SND1: variants seen among roughly 807,000 people sequenced by gnomAD.
SND1 encodes staphylococcal nuclease domain-containing protein 1.
SND1 carries 38 observed loss-of-function variants against 121.7 expected under a neutral mutation model. The ratio of observed to expected loss-of-function variants is 0.31; its 90% CI spans 0.24 to 0.41. SND1 has a LOEUF of 0.41. Among genes scored for constraint, SND1 ranks in the 10% least tolerant of loss-of-function variants. The pLI is 1.00. For synonymous variants in SND1, 401 were observed against 447.4 expected (o/e 0.90, Z 1.31); for missense variants, 868 against 1,184.6 (o/e 0.73, Z 3.92).
chr7:127,834,626 C>T lies in SND1; in HGVS notation c.1243-9698C>T, dbSNP rs73721013. ...ATAGAGGGATGGTGTGGTATGTTTA[C>T]AGGAAGAAAGGCTGATATTGATACC... On this transcript the variant is annotated intron_variant, in intron 11 of 23. Coordinates refer to ENST00000354725, the MANE Select transcript of SND1 (RefSeq NM_014390.4). Among the ~76,000 whole-genome samples, 555 of 152,258 alleles carry T rather than the reference C, an allele frequency of 3.6e-3. 1 individual carries two copies. The highest frequency in any genetic ancestry group is 0.012 in the African/African-American group (519 of 41,556).
chr7:128,060,567 A>G (rs1382904889), intron 16 of SND1, among the ~76,000 whole-genome samples: 5 of 151,558 alleles, frequency 3.3e-5, no homozygotes, highest in Non-Finnish European at 7.4e-5. Flanking sequence ...TTAACTTCCC[A>G]CTCTGCATTT....
At chr7:127,992,796 C>G (rs1802550846) in intron 16 of SND1, among the ~76,000 whole-genome samples, 1 of 152,204 alleles carries the variant, frequency 6.6e-6, no homozygotes, top group Admixed American at 6.5e-5. Flanking sequence ...GAATACTGAT[C>G]ACTAAAAGGA....
intron 16 of SND1, among the ~76,000 whole-genome samples, chr7:128,072,413 A>G (rs56232062): frequency 1.3e-5 from 2 of 152,070 alleles, no homozygotes; most frequent in Non-Finnish European, 2.9e-5. Flanking sequence ...GCGGAAACTG[A>G]TGTGGGCCTG....
At chr7:128,020,307 C>A (rs1459529916) in intron 16 of SND1, among the ~76,000 whole-genome samples, 1 of 152,184 alleles carries the variant, frequency 6.6e-6, no homozygotes, top group Non-Finnish European at 1.5e-5. Flanking sequence ...TAAAGGATTG[C>A]ATCAAACTGC....
At position 128,091,999 on chromosome 7, in the gene SND1, C is replaced by T. The variant is rs936903851; in HGVS notation, c.2674C>T (p.Leu892=). The T allele has an allele frequency of 1.9e-6, 3 of 1,614,058 alleles. No homozygotes were observed. Among genetic ancestry groups the T allele is most frequent in the South Asian group, 1.1e-5 (1 of 91,092 alleles). Residue 892 remains leucine (L), a synonymous_variant, in exon 24 of 24, where the codon CTG becomes TTG. Coordinates refer to ENST00000354725, the MANE Select transcript of SND1 (RefSeq NM_014390.4). ...QESAKSARLN[L]WRYGDFRADD... Reference sequence around the variant, plus strand: ...TGTCTGTTTTTTCTTACAGCTGAACCTGTGGCGCTATGGAGACTTTCGAGC... The same window carrying T: ...TGTCTGTTTTTTCTTACAGCTGAACTTGTGGCGCTATGGAGACTTTCGAGC...
At chr7:127,781,254 GA>G (rs1313313857) in intron 10 of SND1, among the ~76,000 whole-genome samples, 1 of 152,146 alleles carries the variant, frequency 6.6e-6, no homozygotes, top group East Asian at 1.9e-4. Flanking sequence ...TTATAAAAAT[GA>G]AGAGACCAAT....
intron 10 of SND1, among the ~76,000 whole-genome samples, chr7:127,790,412 C>T (rs1797886792): frequency 2.0e-5 from 3 of 152,092 alleles, no homozygotes. Context: ...AGTCTTAAGC[C>T]GTTAAAGAGG....
At chr7:127,852,622 C>T (rs986372458) in intron 12 of SND1, among the ~76,000 whole-genome samples, 5 of 152,054 alleles carry the variant, frequency 3.3e-5, no homozygotes, top group Non-Finnish European at 7.4e-5. Flanking sequence ...CCAGCCTGCC[C>T]AACATGGTGA....
intron 16 of SND1, chr7:128,028,848 A>C (rs756127788): frequency 1.7e-5 from 27 of 1,614,224 alleles, no homozygotes; most frequent in Non-Finnish European, 2.3e-5. Flanking sequence ...AATTGTGGGC[A>C]GCACTACTGC....
chr7:127,732,744 C>T (rs1040650570), intron 10 of SND1, among the ~76,000 whole-genome samples: 1 of 152,194 alleles, frequency 6.6e-6, no homozygotes. Flanking sequence ...TCTTCTGCTC[C>T]TAGAAGAAGT....
At chr7:127,690,176 GTTCCTCATATTCCAAGACACTTTAGTGA>G (rs901945365) in intron 2 of SND1, among the ~76,000 whole-genome samples, 2 of 151,870 alleles carry the variant, frequency 1.3e-5, no homozygotes, top group African/African-American at 2.4e-5. Flanking sequence ...CTCTTCAGTG[GTTCCTCATATTCCAAGACACTTTAGTGA>G]TTCCTCATAT....
At chr7:128,088,076 T>C (rs1466800199) in intron 21 of SND1, among the ~76,000 whole-genome samples, 1 of 152,118 alleles carries the variant, frequency 6.6e-6, no homozygotes, top group Admixed American at 6.5e-5. Flanking sequence ...CTCTTTACCT[T>C]TTCACAAAGT....
intron 10 of SND1, among the ~76,000 whole-genome samples, chr7:127,802,807 T>C (rs898426041): frequency 1.3e-5 from 2 of 152,156 alleles, no homozygotes; most frequent in African/African-American, 2.4e-5. Flanking sequence ...ATCTTCCCGA[T>C]CTTATTTGAT....
rs563455414 is a variant in SND1, at chr7:128,033,243, G to A, written c.1780-41259G>A. Among the ~76,000 whole-genome samples the A allele has an allele frequency of 3.9e-5, 6 of 152,306 alleles. No homozygotes were observed. In the South Asian group the frequency reaches 8.3e-4, roughly 21 times the overall value. On this transcript the variant is annotated intron_variant, in intron 16 of 23. Transcript: ENST00000354725. Reference sequence around the variant, plus strand: ...TAAGGCATTTGACAGACTAGTGTAGGAGAAGGGGACTAGGTCAGCTTTTTC... The same window carrying A: ...TAAGGCATTTGACAGACTAGTGTAGAAGAAGGGGACTAGGTCAGCTTTTTC...
At chr7:127,911,976 C>G (rs1009877859) in intron 14 of SND1, among the ~76,000 whole-genome samples, 1 of 151,872 alleles carries the variant, frequency 6.6e-6, no homozygotes, top group African/African-American at 2.4e-5. Flanking sequence ...GTTTCTCTCT[C>G]TCTTTCTTTT....
chr7:127,962,518 T>C (rs1801757343), intron 15 of SND1, among the ~76,000 whole-genome samples: 1 of 152,198 alleles, frequency 6.6e-6, no homozygotes, highest in Admixed American at 6.5e-5. Flanking sequence ...GACATGCCTG[T>C]TGGCAACAGA....
At chr7:128,057,334 A>T (rs938093265) in intron 16 of SND1, among the ~76,000 whole-genome samples, 5 of 152,196 alleles carry the variant, frequency 3.3e-5, no homozygotes, top group African/African-American at 1.2e-4. Context: ...TTCCAGTGAG[A>T]GATTCAAATG....
At chr7:127,967,803 A>G (rs544842839) in intron 15 of SND1, among the ~76,000 whole-genome samples, 4 of 152,372 alleles carry the variant, frequency 2.6e-5, no homozygotes, top group African/African-American at 9.6e-5. Context: ...TGGTGAGGTC[A>G]TTAGCTCTCT....
At chr7:127,967,203 C>T (rs953413984) in intron 15 of SND1, among the ~76,000 whole-genome samples, 1 of 152,070 alleles carries the variant, frequency 6.6e-6, no homozygotes, top group East Asian at 1.9e-4. Context: ...AAGGTCGAAA[C>T]GGAGGCAATA....
Sources: gnomAD v4.1 joint callset for allele counts (sites outside exome capture counted in the v4.1 genomes callset) on GRCh38, gnomAD v4.1.1 for gene constraint, MANE v1.5 for transcripts, NCBI Gene and HGNC (gene_info 2026-07-23, HGNC 2026-07-21) for gene names.